FAT3: variants seen among roughly 807,000 people sequenced by gnomAD.
FAT3 encodes FAT atypical cadherin 3, also known as protocadherin Fat 3.
In FAT3, 95 loss-of-function variants were observed where a neutral mutation model predicts 310.2. The ratio of observed to expected loss-of-function variants is 0.31; its 90% CI spans 0.26 to 0.36. The LOEUF (loss-of-function observed/expected upper bound fraction) is 0.36, where lower values mean the gene tolerates loss of function less well. FAT3 is among the 10% of genes least tolerant of loss of function. FAT3 has a pLI of 1.00. For synonymous variants in FAT3, 2,314 were observed against 2,192.9 expected, an observed-to-expected ratio of 1.06 and a Z score of -1.54; for missense variants, 5,408 against 5,715.6, an observed-to-expected ratio of 0.95 and a Z score of 1.74.
At chr11:92,441,476 C>T (rs756588287) in intron 2 of FAT3, among the ~76,000 whole-genome samples, 29 of 152,148 alleles carry the variant, frequency 1.9e-4, no homozygotes, top group Non-Finnish European at 3.7e-4. Flanking sequence ...ATTTTAGCAC[C>T]GACTGTGAAT....
intron 4 of FAT3, among the ~76,000 whole-genome samples, chr11:92,697,962 A>G (rs539780447): frequency 1.3e-5 from 2 of 152,318 alleles, no homozygotes; most frequent in African/African-American, 4.8e-5. Flanking sequence ...AATCAACTCT[A>G]AAAGTGTTAT....
At chr11:92,328,538 T>C (rs987301277) in intron 1 of FAT3, among the ~76,000 whole-genome samples, 1 of 152,194 alleles carries the variant, frequency 6.6e-6, no homozygotes, top group Admixed American at 6.5e-5. Context: ...TAATCAGAAA[T>C]TGTTCAGGGT....
At chr11:92,419,709 C>G (rs142152513) in intron 2 of FAT3, among the ~76,000 whole-genome samples, 234 of 152,196 alleles carry the variant, frequency 1.5e-3, no homozygotes, top group Middle Eastern at 6.8e-3. Flanking sequence ...TATTTCTTAA[C>G]CTCCAGCTGT....
chr11:92,712,602 T>A (rs1354349508), intron 4 of FAT3, among the ~76,000 whole-genome samples: 11 of 141,974 alleles, frequency 7.7e-5, no homozygotes, highest in South Asian at 2.2e-4. Context: ...TGAAAAAAAA[T>A]ATATTCTTAC....
At chr11:92,875,722 G>T (rs1206482567) in intron 22 of FAT3, among the ~76,000 whole-genome samples, 1 of 152,278 alleles carries the variant, frequency 6.6e-6, no homozygotes, top group East Asian at 1.9e-4. Context: ...CCCTGTATGA[G>T]TTGGCACCAG....
intron 2 of FAT3, among the ~76,000 whole-genome samples, chr11:92,384,738 A>G (rs1949579386): frequency 6.6e-6 from 1 of 152,214 alleles, no homozygotes; most frequent in African/African-American, 2.4e-5. Flanking sequence ...AAAGGAGACT[A>G]ATCAGTGCAG....
chr11:92,616,288 T>C (rs1387290082), intron 3 of FAT3, among the ~76,000 whole-genome samples: 2 of 152,184 alleles, frequency 1.3e-5, no homozygotes, highest in Admixed American at 1.3e-4. Context: ...TATCAGAGAC[T>C]GGGATTGGAA....
At chr11:92,619,291 G>T (rs1281635984) in intron 3 of FAT3, among the ~76,000 whole-genome samples, 1 of 152,006 alleles carries the variant, frequency 6.6e-6, no homozygotes, top group Non-Finnish European at 1.5e-5. Flanking sequence ...TATAACTTTT[G>T]CATATATATT....
chr11:92,578,472 A>T (rs1938609722), intron 3 of FAT3, among the ~76,000 whole-genome samples: 1 of 152,130 alleles, frequency 6.6e-6, no homozygotes, highest in Non-Finnish European at 1.5e-5. Context: ...AATCTACTGG[A>T]AGTCACACAT....
chr11:92,548,354 G>T (rs1251550837), intron 3 of FAT3, among the ~76,000 whole-genome samples: 2 of 152,238 alleles, frequency 1.3e-5, no homozygotes, highest in East Asian at 1.9e-4. Flanking sequence ...CCTAGGGAAG[G>T]TCTATTCCAT....
chr11:92,799,137 T>A lies in FAT3; in HGVS notation c.6124T>A (p.Phe2042Ile). 1 of 1,613,942 alleles carries A rather than the reference T, an allele frequency of 6.2e-7. No homozygotes were observed. Among genetic ancestry groups the A allele is most frequent in the Non-Finnish European group, 8.5e-7 (1 of 1,179,852 alleles). ...GGTCATTCAGACGACTGGAGTCCCC[T>A]TTGACCGTGAAGAACAAGAGTTATA... is the stretch of plus-strand genomic sequence containing the variant. ...SGVIQTTGVP[F>I]DREEQELYEL... The change falls in exon 10 of 28, where the codon TTT (phenylalanine) becomes ATT (isoleucine). Residue 2042 changes from phenylalanine (F) to isoleucine (I), a missense_variant. Phe to Ile is a conservative substitution (Grantham distance 21). This residue lies in a region of FAT3 where 4,588 missense variants were observed against 4,809.8 expected (regional missense o/e 0.95). Transcript: ENST00000525166.
At chr11:92,634,557 A>G (rs888170794) in intron 3 of FAT3, among the ~76,000 whole-genome samples, 33 of 152,300 alleles carry the variant, frequency 2.2e-4, no homozygotes, top group Admixed American at 2.2e-3. Flanking sequence ...ATTACTGCTC[A>G]TCTATTCCAA....
intron 2 of FAT3, among the ~76,000 whole-genome samples, chr11:92,436,076 T>C (rs1452642494): frequency 6.6e-6 from 1 of 152,130 alleles, no homozygotes; most frequent in Non-Finnish European, 1.5e-5. Context: ...AAGGGCTCTT[T>C]ATTCTCTCTT....
intron 3 of FAT3, among the ~76,000 whole-genome samples, chr11:92,647,900 A>G (rs1942224754): frequency 6.6e-6 from 1 of 152,136 alleles, no homozygotes; most frequent in African/African-American, 2.4e-5. Flanking sequence ...TATCAAGCAG[A>G]ATATGTGCCT....
At chr11:92,468,377 A>G (rs1033488172) in intron 2 of FAT3, among the ~76,000 whole-genome samples, 3 of 152,220 alleles carry the variant, frequency 2.0e-5, no homozygotes, top group African/African-American at 7.2e-5. Flanking sequence ...ATAGTGCTTA[A>G]TAAACTTGAT....
At chr11:92,732,251 A>G (rs1945202820) in intron 4 of FAT3, among the ~76,000 whole-genome samples, 1 of 152,232 alleles carries the variant, frequency 6.6e-6, no homozygotes, top group Admixed American at 6.5e-5. Context: ...ACTGAATGCT[A>G]TTAGAATCTA....
chr11:92,286,697 T>C (rs1946569361), intron 1 of FAT3, among the ~76,000 whole-genome samples: 1 of 152,210 alleles, frequency 6.6e-6, no homozygotes, highest in South Asian at 2.1e-4. Context: ...AAACTATAGC[T>C]GTTGCCAGCC....
At chr11:92,356,223 G>A (rs1238706145) in intron 2 of FAT3, among the ~76,000 whole-genome samples, 1 of 152,102 alleles carries the variant, frequency 6.6e-6, no homozygotes, top group Non-Finnish European at 1.5e-5. Flanking sequence ...GTGTATGTGT[G>A]TGTTTCTGTT....
At chr11:92,839,156 A>G (rs1219608142) in intron 17 of FAT3, among the ~76,000 whole-genome samples, 1 of 152,176 alleles carries the variant, frequency 6.6e-6, no homozygotes, top group Non-Finnish European at 1.5e-5. Flanking sequence ...AATCAGCTTG[A>G]CAGACTGTTT....
Sources: allele counts gnomAD v4.1 joint callset (sites outside exome capture counted in the v4.1 genomes callset), GRCh38; gene constraint gnomAD v4.1.1; regional missense constraint gnomAD v4.1.1; transcripts MANE v1.5; gene names NCBI Gene and HGNC (gene_info 2026-07-23, HGNC 2026-07-21).